ZFP92: variants seen among roughly 807,000 people sequenced by gnomAD.
The protein encoded by ZFP92 is zinc finger protein 92 homolog.
ZFP92 carries 2 observed loss-of-function variants against 7.6 expected under a neutral mutation model. That is an observed-to-expected ratio of 0.26 (90% CI 0.11 to 0.83). The LOEUF is 0.83. ZFP92 is among the 40% of genes least tolerant of loss of function. The probability of loss-of-function intolerance (pLI) is 0.65; values close to 1 mark genes in which losing one functional copy is unlikely to be tolerated. For missense variants in ZFP92, 324 were observed against 408.3 expected, an observed-to-expected ratio of 0.79 and a Z score of 1.78; for synonymous variants, 226 against 183.6, an observed-to-expected ratio of 1.23 and a Z score of -1.87.
chrX:153,416,292 C>G (rs782185459), intron 2 of ZFP92, among the ~76,000 whole-genome samples: 7 of 111,785 alleles, frequency 6.3e-5, no homozygotes, highest in Non-Finnish European at 1.1e-4. Context: ...TTAGATTACT[C>G]TCTTGCAGCC....
Position 153,418,345 on chromosome X carries a change from C to T in ZFP92, c.23C>T (p.Thr8Met), listed in dbSNP as rs1556974222. 1.7e-6 allele frequency: 2 copies of T among 1,165,787 alleles called. No homozygotes were observed. Among genetic ancestry groups the T allele is most frequent in the Admixed American group, 2.6e-5 (1 of 38,543 alleles). Residue 8 changes from threonine to methionine, a missense_variant, in exon 3 of 6, where the codon ACG (threonine) becomes ATG (methionine). Coordinates refer to ENST00000338647, the MANE Select transcript of ZFP92 (RefSeq NM_001136273.2). ...GTGATGGCAGCCATTCTCCTGACCA[C>T]GAGACCCAAGGTGAGTGGTGGCCCC... Reference protein sequence around the residue: MAAILLTTRPKVPVSFED... With the variant: MAAILLTMRPKVPVSFED...
At chrX:153,412,424 G>A (rs1556973125) in intron 2 of ZFP92, among the ~76,000 whole-genome samples, 4 of 112,639 alleles carry the variant, frequency 3.6e-5, no homozygotes, top group African/African-American at 1.3e-4. Flanking sequence ...GCCCTGCCCT[G>A]TTGTTCTCGT....
Position 153,411,532 on chromosome X carries a change from G to T in ZFP92, c.-239G>T, listed in dbSNP as rs1413203926. 8.9e-6 allele frequency among the ~76,000 whole-genome samples: 1 copy of T among 112,612 alleles called. No individual in the cohort carries two copies. Among genetic ancestry groups the T allele is most frequent in the African/African-American group, 3.2e-5 (1 of 31,075 alleles). ...GAGACTCCCCTTCAGGACGCTCTTC[G>T]CGAGCGGTACCCAGAGGCGAAGTCG... On this transcript the variant is annotated 5_prime_UTR_variant, in exon 1 of 6. Transcript: ENST00000338647.
chrX:153,420,558 C>T, intron 5 of ZFP92, 85 bp from the exon 6 acceptor site: 5 of 1,087,256 alleles, frequency 4.6e-6, no homozygotes, highest in Non-Finnish European at 6.0e-6. Flanking sequence ...TCACCTTGCC[C>T]CATCCCCCTA....
rs1349711425 is a variant in ZFP92, at chrX:153,421,686, G to A, written c.*58G>A. 88 of 922,104 alleles carry A rather than the reference G, an allele frequency of 9.5e-5. No individual in the cohort carries two copies. The highest frequency in any genetic ancestry group is 1.5e-4 in the African/African-American group (7 of 47,485). 76.0% of individuals were successfully genotyped at this position (922,104 alleles called of 1,213,427 possible). On this transcript the variant is annotated 3_prime_UTR_variant, in exon 6 of 6. Transcript: ENST00000338647. ...CTGCGTGGGGGGCCTTCCTGGGGACGTCGAGGCTCAGCCCCCTTCAGGTGG... is the reference window on the plus strand; with the variant it reads ...CTGCGTGGGGGGCCTTCCTGGGGACATCGAGGCTCAGCCCCCTTCAGGTGG...
At position 153,423,367 on chromosome X, in the gene ZFP92, C is replaced by G. The variant is rs1262668580; in HGVS notation, c.*1739C>G. On this transcript the variant is annotated 3_prime_UTR_variant, in exon 6 of 6. Transcript: ENST00000338647. ...AGAATGCTGCTTGGAGTGCCAGTCACTAGGACAACTCCAGAAATAATGTTA... is the reference window on the plus strand; with the variant it reads ...AGAATGCTGCTTGGAGTGCCAGTCAGTAGGACAACTCCAGAAATAATGTTA... The G allele has an allele frequency of 2.8e-5, 3 of 106,074 alleles. No homozygotes were observed. The highest frequency in any genetic ancestry group is 4.4e-4 in the South Asian group (1 of 2,288). The allele number at this position is 106,074 out of a possible 1,213,427, so 8.7% of individuals were successfully genotyped here.
rs552634232 is a variant in ZFP92 at position 153,411,767 on chromosome X, G to T, written c.-68+64G>T. Among the ~76,000 whole-genome samples the T allele has an allele frequency of 4.1e-4, 46 of 112,741 alleles. 3 individuals carry two copies. The South Asian group carries it at 0.016, about 40-fold the overall frequency. On this transcript the variant is annotated intron_variant, in intron 1 of 5. Transcript: ENST00000338647. ...CGGGTAAGGGGCCCGTCTCGGCAGG[G>T]TGCAGGTGTCGAGGGGGACGAGGGA... is the stretch of plus-strand genomic sequence containing the variant.
In ZFP92 at chrX:153,420,222, G is replaced by A. The variant is rs370467411; in HGVS notation, c.161-6G>A. ...GGTCTTGACCTGCTTCATATTCCACGCCCAGGATTTTCCTTCTCCAAGCCT... is the reference window on the plus strand; with the variant it reads ...GGTCTTGACCTGCTTCATATTCCACACCCAGGATTTTCCTTCTCCAAGCCT... On this transcript the variant is annotated splice_region_variant and splice_polypyrimidine_tract_variant and intron_variant, in intron 4 of 5. Transcript: ENST00000338647. The A allele has an allele frequency of 7.9e-5, 92 of 1,161,905 alleles. No individual in the cohort carries two copies. The East Asian group carries it at 1.2e-3, about 15-fold the overall frequency.
At chrX:153,413,719 G>C (rs1282244137) in intron 2 of ZFP92, among the ~76,000 whole-genome samples, 1 of 112,075 alleles carries the variant, frequency 8.9e-6, no homozygotes, top group Non-Finnish European at 1.9e-5. Flanking sequence ...TCCGCCAGGT[G>C]CCTTCCAGGT....
intron 4 of ZFP92, among the ~76,000 whole-genome samples, chrX:153,419,031 G>T (rs1012923682): frequency 8.9e-6 from 1 of 112,739 alleles, no homozygotes; most frequent in Non-Finnish European, 1.9e-5. Flanking sequence ...GCGTTGGCCT[G>T]TAAGTTTCAG....
At chrX:153,420,534 T>A in intron 5 of ZFP92, 109 bp from the exon 6 acceptor site, 1 of 1,055,490 alleles carries the variant, frequency 9.5e-7, no homozygotes, top group Non-Finnish European at 1.2e-6. Flanking sequence ...GTGTGATGGC[T>A]TTCTGTTCTG....
chrX:153,414,808 C>T (rs1339510411), intron 2 of ZFP92, among the ~76,000 whole-genome samples: 1 of 110,991 alleles, frequency 9.0e-6, no homozygotes, highest in African/African-American at 3.3e-5. Flanking sequence ...CCCCGGGCAC[C>T]CACCAATCTG....
intron 2 of ZFP92, among the ~76,000 whole-genome samples, chrX:153,413,813 T>C (rs1176737302): frequency 1.8e-5 from 2 of 112,470 alleles, no homozygotes; most frequent in Admixed American, 1.9e-4. Context: ...TGTCTTTCTT[T>C]CCAGGAGTTG....
rs60962183 is a variant in ZFP92, at chrX:153,413,010, G to A, written c.-19+997G>A. On this transcript the variant is annotated intron_variant, in intron 2 of 5. Coordinates refer to ENST00000338647, the MANE Select transcript of ZFP92 (RefSeq NM_001136273.2). Reference sequence around the variant, plus strand: ...GGTCGACCCATGCAGCACCCAGGCCGGGCCTTGGCTCTGGGTTTCTCCAGT... The same window carrying A: ...GGTCGACCCATGCAGCACCCAGGCCAGGCCTTGGCTCTGGGTTTCTCCAGT... 2.5e-3 allele frequency among the ~76,000 whole-genome samples: 273 copies of A among 111,330 alleles called. 2 individuals carry two copies. The highest frequency in any genetic ancestry group is 8.5e-3 in the African/African-American group (261 of 30,690).
intron 4 of ZFP92, among the ~76,000 whole-genome samples, chrX:153,419,872 C>A (rs1556974561): frequency 8.9e-6 from 1 of 112,003 alleles, no homozygotes; most frequent in African/African-American, 3.2e-5. Context: ...CTATGGCTGT[C>A]GGCCTCCCAA....
chrX:153,419,882 A>G (rs1451545008), intron 4 of ZFP92, among the ~76,000 whole-genome samples: 1 of 111,876 alleles, frequency 8.9e-6, no homozygotes, highest in Non-Finnish European at 1.9e-5. Context: ...CGGCCTCCCA[A>G]TAGTCCCTGG....
Position 153,421,645 on chromosome X carries a change from C to T in ZFP92, c.*17C>T, listed in dbSNP as rs2089006089. 5.2e-6 allele frequency: 5 copies of T among 956,719 alleles called. No individual in the cohort carries two copies. The East Asian group carries it at 2.4e-4, about 47-fold the overall frequency. 78.8% of individuals were successfully genotyped at this position (956,719 alleles called of 1,213,427 possible). On this transcript the variant is annotated 3_prime_UTR_variant, in exon 6 of 6. Transcript: ENST00000338647. ...CGCCGCTGACTCCCCGCCAGCGCACCCAGGGCGCGGCCGGTCTGCGTGGGG... is the reference window on the plus strand; with the variant it reads ...CGCCGCTGACTCCCCGCCAGCGCACTCAGGGCGCGGCCGGTCTGCGTGGGG...
chrX:153,416,702 CT>C (rs1257502681), intron 2 of ZFP92, among the ~76,000 whole-genome samples: 2 of 112,023 alleles, frequency 1.8e-5, no homozygotes, highest in Non-Finnish European at 3.8e-5. Flanking sequence ...TTTTACCCCC[CT>C]GTCCTAGTCC....
intron 2 of ZFP92, among the ~76,000 whole-genome samples, chrX:153,415,112 C>T (rs1449015651): frequency 2.7e-5 from 3 of 112,725 alleles, no homozygotes; most frequent in Non-Finnish European, 5.6e-5. Flanking sequence ...GCTGTCCCTA[C>T]TTGTCTGGTG....
Sources: allele counts gnomAD v4.1 joint callset (sites outside exome capture counted in the v4.1 genomes callset), GRCh38; gene constraint gnomAD v4.1.1; transcripts MANE v1.5; gene names NCBI Gene and HGNC (gene_info 2026-07-23, HGNC 2026-07-21).